RPAP3: variants seen among roughly 807,000 people sequenced by gnomAD.
The protein encoded by RPAP3 is RNA polymerase II-associated protein 3.
Under a neutral mutation model 88.8 loss-of-function variants are expected in RPAP3, and 58 were observed. That is an observed-to-expected ratio of 0.65 (90% CI 0.53 to 0.81). The LOEUF is 0.81. RPAP3 is among the 40% of genes least tolerant of loss of function. The pLI is 0.00. For missense variants in RPAP3, 751 were observed against 764.3 expected, an observed-to-expected ratio of 0.98 and a Z score of 0.20; for synonymous variants, 255 against 259.9, an observed-to-expected ratio of 0.98 and a Z score of 0.18.
intron 12 of RPAP3, among the ~76,000 whole-genome samples, chr12:47,677,403 C>A (rs1939138996): frequency 6.6e-6 from 1 of 151,970 alleles, no homozygotes; most frequent in Non-Finnish European, 1.5e-5. Flanking sequence ...GGCAATCAGG[C>A]AAGAGAAAGA....
intron 16 of RPAP3, 60 bp from the exon 17 acceptor site, chr12:47,663,650 T>A: frequency 9.9e-7 from 1 of 1,012,232 alleles, no homozygotes; most frequent in South Asian, 1.5e-5. Context: ...AAGCAAAATG[T>A]AAATTAAAAG....
chr12:47,682,680 T>TAAAA (rs547080438), intron 9 of RPAP3, among the ~76,000 whole-genome samples: 1 of 136,126 alleles, frequency 7.3e-6, no homozygotes, highest in Admixed American at 7.4e-5. Flanking sequence ...ATAAGAATAT[T>TAAAA]AAAAAAAAAA....
intron 5 of RPAP3, among the ~76,000 whole-genome samples, chr12:47,693,711 A>T (rs1939470775): frequency 6.6e-6 from 1 of 152,252 alleles, no homozygotes; most frequent in Non-Finnish European, 1.5e-5. Context: ...TCCACAAGAA[A>T]GAAACACAAG....
At chr12:47,688,847 A>G (rs539891522) in intron 7 of RPAP3, among the ~76,000 whole-genome samples, 5 of 152,306 alleles carry the variant, frequency 3.3e-5, no homozygotes, top group African/African-American at 1.2e-4. Context: ...AAAGGAAGAA[A>G]ATCAGTGGGA....
At chr12:47,696,513 T>G in intron 4 of RPAP3, 110 bp from the exon 5 acceptor site, 2 of 664,016 alleles carry the variant, frequency 3.0e-6, no homozygotes, top group Non-Finnish European at 4.6e-6. Context: ...AATGTAGATT[T>G]TTTTCAATAG....
chr12:47,704,586 C>A (rs4768841), intron 1 of RPAP3, among the ~76,000 whole-genome samples: 24,444 of 151,302 alleles, frequency 0.16, 2,503 homozygotes, highest in Admixed American at 0.31. Flanking sequence ...CCACGTTGGC[C>A]AGGCTGGTCT....
chr12:47,695,578 T>G (rs1939509390), intron 5 of RPAP3, among the ~76,000 whole-genome samples: 1 of 152,174 alleles, frequency 6.6e-6, no homozygotes, highest in Non-Finnish European at 1.5e-5. Context: ...AACTATTCTC[T>G]GTAATTTATG....
At chr12:47,697,478 C>T in intron 4 of RPAP3, 119 bp downstream of exon 4, 1 of 916,284 alleles carries the variant, frequency 1.1e-6, no homozygotes, top group Admixed American at 3.0e-5. Context: ...AGGGATGTAG[C>T]CAAAAACAAC....
chr12:47,696,339 T>A lies in RPAP3; in HGVS notation c.482A>T (p.Asp161Val). ...CAACACGGGATTATATGGATCGGCA[T>A]CCATGCCTTTTGTGTAGCAGTCAAT... Reference protein sequence around the residue: ...EAIDCYTKGMDADPYNPVLPT... With the variant: ...EAIDCYTKGMVADPYNPVLPT... The change falls in exon 5 of 17, where the codon GAT (aspartate) becomes GTT (valine). Residue 161 changes from aspartate to valine, a missense_variant. Asp to Val is a radical substitution (Grantham distance 152). Coordinates refer to ENST00000005386, the MANE Select transcript of RPAP3 (RefSeq NM_024604.3). 1 of 1,602,312 alleles carries A rather than the reference T, an allele frequency of 6.2e-7. No homozygotes were observed. Among genetic ancestry groups the A allele is most frequent in the Middle Eastern group, 1.7e-4 (1 of 6,044 alleles).
chr12:47,693,174 C>T (rs1015429693), intron 5 of RPAP3, among the ~76,000 whole-genome samples: 3 of 152,146 alleles, frequency 2.0e-5, no homozygotes, highest in Non-Finnish European at 4.4e-5. Context: ...AGCCACCATG[C>T]CTGGCCTCAC....
chr12:47,696,250 T>C (rs1241301130), intron 5 of RPAP3, 26 bp downstream of exon 5: 2 of 1,490,694 alleles, frequency 1.3e-6, no homozygotes, highest in Admixed American at 2.3e-5. Context: ...ACATTCACAT[T>C]CACACACGTC....
At chr12:47,679,874 T>C (rs1457781890) in intron 10 of RPAP3, 100 bp from the exon 11 acceptor site, 1 of 821,394 alleles carries the variant, frequency 1.2e-6, no homozygotes, top group Non-Finnish European at 2.0e-6. Context: ...ATCACATTTT[T>C]AGCTCAAGCA....
At chr12:47,686,539 T>TACACAAACACAC (rs776844694) in intron 9 of RPAP3, among the ~76,000 whole-genome samples, 2 of 73,410 alleles carry the variant, frequency 2.7e-5, no homozygotes, top group Non-Finnish European at 5.9e-5. Flanking sequence ...AACACACACA[T>TACACAAACACAC]ACACATACAC....
At chr12:47,697,506 AC>A in intron 4 of RPAP3, 90 bp downstream of exon 4, 6 of 1,236,534 alleles carry the variant, frequency 4.9e-6, no homozygotes, top group Non-Finnish European at 6.8e-6. Context: ...TTAAACACGT[AC>A]TAAAACTATG....
At chr12:47,678,159 T>C (rs1037302306) in intron 12 of RPAP3, among the ~76,000 whole-genome samples, 2 of 152,220 alleles carry the variant, frequency 1.3e-5, no homozygotes, top group Admixed American at 1.3e-4. Flanking sequence ...AAGGATTCCC[T>C]ATTTAATAAA....
Position 47,681,818 on chromosome 12 carries a change from C to G in RPAP3, c.993-1G>C. On this transcript the variant is annotated splice_acceptor_variant, in intron 9 of 16. Coordinates refer to ENST00000005386, the MANE Select transcript of RPAP3 (RefSeq NM_024604.3). LOFTEE classifies it high-confidence loss of function. Reference sequence around the variant, plus strand: ...GCAGTCTTTTTCAGCTTCTTCATATCTATTGAACATGATAAAATTACTGAC... The same window carrying G: ...GCAGTCTTTTTCAGCTTCTTCATATGTATTGAACATGATAAAATTACTGAC... 6.3e-7 allele frequency: 1 copy of G among 1,584,200 alleles called. No individual in the cohort carries two copies. Among genetic ancestry groups the G allele is most frequent in the Non-Finnish European group, 8.5e-7 (1 of 1,170,248 alleles).
intron 14 of RPAP3, among the ~76,000 whole-genome samples, chr12:47,668,352 T>C (rs1938926928): frequency 6.6e-6 from 1 of 152,286 alleles, no homozygotes; most frequent in Non-Finnish European, 1.5e-5. Context: ...AGAAGAGATA[T>C]ACACCATCCT....
chr12:47,700,429 T>A (rs894132421), intron 3 of RPAP3, among the ~76,000 whole-genome samples: 16 of 152,274 alleles, frequency 1.1e-4, no homozygotes, highest in Admixed American at 3.9e-4. Flanking sequence ...AGAACATACA[T>A]CTCTACATAT....
chr12:47,702,992 A>T lies in RPAP3; in HGVS notation c.-6-146T>A, dbSNP rs147157709. 1.5e-3 allele frequency: 626 copies of T among 430,222 alleles called. 3 individuals are homozygous for T. The highest frequency in any genetic ancestry group is 0.011 in the African/African-American group (539 of 49,078). 26.7% of individuals were successfully genotyped at this position (430,222 alleles called of 1,614,324 possible). On this transcript the variant is annotated intron_variant, in intron 1 of 16. Transcript: ENST00000005386. ...GCCAACTGATGCTGAATAAAGAAAA[A>T]TCAATATAATATTTTAAAAATAAAT...
Sources: allele counts gnomAD v4.1 joint callset (sites outside exome capture counted in the v4.1 genomes callset), GRCh38; gene constraint gnomAD v4.1.1; transcripts MANE v1.5; gene names NCBI Gene and HGNC (gene_info 2026-07-23, HGNC 2026-07-21).